The following CACNA2D3 variants were observed in gnomAD, a reference collection of about 807,000 sequenced individuals.
CACNA2D3 encodes the protein voltage-dependent calcium channel subunit alpha-2/delta-3.
A neutral mutation model predicts 160.6 loss-of-function variants in CACNA2D3; 60 were observed. That is an observed-to-expected ratio of 0.37 (90% CI 0.30 to 0.46). The LOEUF is 0.46. Among genes scored for constraint, CACNA2D3 ranks in the 20% least tolerant of loss-of-function variants. CACNA2D3 has a pLI of 1.00. For synonymous variants in CACNA2D3, 558 were observed against 492.9 expected, an observed-to-expected ratio of 1.13 and a Z score of -1.75; for missense variants, 1,205 against 1,365.0, an observed-to-expected ratio of 0.88 and a Z score of 1.85.
At chr3:55,031,025 A>G (rs1459716767) in intron 35 of CACNA2D3, among the ~76,000 whole-genome samples, 1 of 152,184 alleles carries the variant, frequency 6.6e-6, no homozygotes, top group African/African-American at 2.4e-5. Flanking sequence ...GTGGGAGCAC[A>G]TGGAAGTTTG....
intron 2 of CACNA2D3, among the ~76,000 whole-genome samples, chr3:54,150,340 T>C (rs947458972): frequency 3.9e-5 from 6 of 152,136 alleles, no homozygotes; most frequent in African/African-American, 1.4e-4. Context: ...AGGAAAAATA[T>C]AATGAAAATG....
At chr3:55,044,056 T>C (rs1202936868) in intron 35 of CACNA2D3, among the ~76,000 whole-genome samples, 2 of 152,228 alleles carry the variant, frequency 1.3e-5, no homozygotes, top group Non-Finnish European at 2.9e-5. Context: ...TCCTTTACTT[T>C]ATTCTTTTTC....
At chr3:54,320,654 G>A in intron 3 of CACNA2D3, 96 bp downstream of exon 3, 1 of 592,782 alleles carries the variant, frequency 1.7e-6, no homozygotes, top group Middle Eastern at 2.7e-4. Context: ...GATAAAAGTT[G>A]ACTCACGCAT....
chr3:54,374,312 C>A lies in CACNA2D3; in HGVS notation c.322-12403C>A, dbSNP rs1242920650. Among the ~76,000 whole-genome samples, 3 of 152,178 alleles carry A rather than the reference C, an allele frequency of 2.0e-5. No homozygotes were observed. In the East Asian group the frequency reaches 5.8e-4, roughly 29 times the overall value. On this transcript the variant is annotated intron_variant, in intron 3 of 37. Coordinates refer to ENST00000474759, the MANE Select transcript of CACNA2D3 (RefSeq NM_018398.3). ...CCATCTGCACATGCCCACATACATGCCCATCACTTCAGCTGGAGAATATTG... is the reference window on the plus strand; with the variant it reads ...CCATCTGCACATGCCCACATACATGACCATCACTTCAGCTGGAGAATATTG...
At chr3:54,217,950 G>T (rs1022690646) in intron 2 of CACNA2D3, among the ~76,000 whole-genome samples, 2 of 151,964 alleles carry the variant, frequency 1.3e-5, no homozygotes, top group East Asian at 1.9e-4. Context: ...AGAGAGAGAG[G>T]TGTGTTGAGG....
chr3:54,579,078 A>G, intron 8 of CACNA2D3, among the ~76,000 whole-genome samples: 1 of 152,186 alleles, frequency 6.6e-6, no homozygotes, highest in Non-Finnish European at 1.5e-5. Context: ...CCAGGAATCA[A>G]TTTTGAGAGT....
In CACNA2D3 at chr3:54,486,584, C is replaced by T. The variant is rs954103634; in HGVS notation, c.382-16908C>T. Among the ~76,000 whole-genome samples the T allele has an allele frequency of 3.9e-4, 59 of 152,196 alleles. 1 individual carries two copies. The highest frequency in any genetic ancestry group is 1.4e-3 in the African/African-American group (56 of 41,448). ...ATCATTTGATCAAACTTTACTCTTC[C>T]TTGCCAGCTCATGACTCTGTTTCTG... On this transcript the variant is annotated intron_variant, in intron 4 of 37. Coordinates refer to ENST00000474759, the MANE Select transcript of CACNA2D3 (RefSeq NM_018398.3).
intron 4 of CACNA2D3, among the ~76,000 whole-genome samples, chr3:54,456,805 A>C (rs77381750): frequency 2.6e-5 from 4 of 151,704 alleles, no homozygotes; most frequent in African/African-American, 9.7e-5. Context: ...TGAGTTTTCT[A>C]TTTCTTCTTG....
At chr3:54,236,547 A>G (rs1701879918) in intron 2 of CACNA2D3, among the ~76,000 whole-genome samples, 1 of 152,120 alleles carries the variant, frequency 6.6e-6, no homozygotes, top group Non-Finnish European at 1.5e-5. Context: ...TCAAGTCAAC[A>G]TGCCAATATG....
At chr3:54,755,024 G>C (rs1037960257) in intron 12 of CACNA2D3, among the ~76,000 whole-genome samples, 32 of 152,166 alleles carry the variant, frequency 2.1e-4, no homozygotes, top group Admixed American at 1.1e-3. Context: ...CTTCCTTGTA[G>C]ATAGACCTTC....
intron 12 of CACNA2D3, among the ~76,000 whole-genome samples, chr3:54,758,323 C>T (rs936261414): frequency 1.3e-5 from 2 of 152,048 alleles, no homozygotes; most frequent in African/African-American, 4.8e-5. Flanking sequence ...TAGTCATAGT[C>T]ACAAAGGAAA....
chr3:54,885,234 C>T, intron 21 of CACNA2D3, 47 bp from the exon 22 acceptor site: 1 of 1,601,096 alleles, frequency 6.2e-7, no homozygotes, highest in Non-Finnish European at 8.6e-7. Context: ...CACAGGAGGA[C>T]TGGGGGAGTG....
intron 17 of CACNA2D3, among the ~76,000 whole-genome samples, chr3:54,846,957 G>GC (rs1402574976): frequency 5.9e-5 from 9 of 152,342 alleles, no homozygotes; most frequent in South Asian, 2.1e-4. Flanking sequence ...CTATTCAACA[G>GC]CTTTTTTGTT....
chr3:54,754,532 G>A (rs1559570122), intron 12 of CACNA2D3, among the ~76,000 whole-genome samples: 1 of 152,196 alleles, frequency 6.6e-6, no homozygotes, highest in Non-Finnish European at 1.5e-5. Context: ...CCCTTCTGAG[G>A]CTACAAGCTC....
At position 54,498,966 on chromosome 3, in the gene CACNA2D3, C is replaced by T. The variant is rs76241959; in HGVS notation, c.382-4526C>T. On this transcript the variant is annotated intron_variant, in intron 4 of 37. Transcript: ENST00000474759. ...CATACATTGATTTCTAAATTTAGCT[C>T]ATTATTATCAGAGAACATAGTATGT... is the stretch of plus-strand genomic sequence containing the variant. 3.7e-3 allele frequency among the ~76,000 whole-genome samples: 563 copies of T among 152,080 alleles called. 4 individuals carry two copies. The highest frequency in any genetic ancestry group is 0.013 in the African/African-American group (536 of 41,526).
intron 4 of CACNA2D3, among the ~76,000 whole-genome samples, chr3:54,487,097 A>G (rs759236665): frequency 6.6e-6 from 1 of 152,154 alleles, no homozygotes; most frequent in African/African-American, 2.4e-5. Flanking sequence ...TATACCCACT[A>G]TGATTCAAAA....
intron 34 of CACNA2D3, among the ~76,000 whole-genome samples, chr3:55,009,936 A>T (rs191881945): frequency 6.6e-6 from 1 of 152,294 alleles, no homozygotes; most frequent in Admixed American, 6.5e-5. Context: ...TGGAGTTAGA[A>T]TAGGTTTCAG....
chr3:54,676,839 A>G (rs950651690), intron 11 of CACNA2D3, among the ~76,000 whole-genome samples: 5 of 152,186 alleles, frequency 3.3e-5, no homozygotes, highest in African/African-American at 4.8e-5. Flanking sequence ...AGGGCTAAGA[A>G]TTTTGAGGCC....
At chr3:54,168,063 A>G (rs1241044990) in intron 2 of CACNA2D3, among the ~76,000 whole-genome samples, 1 of 151,154 alleles carries the variant, frequency 6.6e-6, no homozygotes, top group Non-Finnish European at 1.5e-5. Flanking sequence ...TTTTGTCTAC[A>G]TTTTTCTTTC....
Sources: allele counts gnomAD v4.1 joint callset (sites outside exome capture counted in the v4.1 genomes callset), GRCh38; gene constraint gnomAD v4.1.1; transcripts MANE v1.5; gene names NCBI Gene and HGNC (gene_info 2026-07-23, HGNC 2026-07-21).